SLC2A13: variants seen among roughly 807,000 people sequenced by gnomAD.
SLC2A13 encodes the protein solute carrier family 2 member 13, also known as proton myo-inositol cotransporter.
Under a neutral mutation model 64.4 loss-of-function variants are expected in SLC2A13, and 32 were observed. The observed-to-expected ratio is 0.50, with a 90% CI of 0.37 to 0.67. The LOEUF (loss-of-function observed/expected upper bound fraction) is 0.67, where lower values mean the gene tolerates loss of function less well. Ranked by LOEUF, SLC2A13 falls within the 30% of genes least tolerant of loss-of-function variation. The pLI is 0.00. For synonymous variants in SLC2A13, 338 were observed against 327.1 expected, an observed-to-expected ratio of 1.03 and a Z score of -0.36; for missense variants, 743 against 829.2, an observed-to-expected ratio of 0.90 and a Z score of 1.28.
intron 3 of SLC2A13, among the ~76,000 whole-genome samples, chr12:40,027,037 G>A (rs961809667): frequency 1.3e-5 from 2 of 149,678 alleles, no homozygotes; most frequent in Admixed American, 6.7e-5. Flanking sequence ...CCAAGATCGC[G>A]CCATTGCACT....
At chr12:39,974,142 C>CTTTG (rs10666557) in intron 3 of SLC2A13, among the ~76,000 whole-genome samples, 148,660 of 152,228 alleles carry the variant, frequency 0.98, 72,688 homozygotes, top group Middle Eastern at 1. Context: ...TCTTTATATA[C>CTTTG]TTTAATTCTC....
intron 7 of SLC2A13, among the ~76,000 whole-genome samples, chr12:39,795,717 T>G (rs1018489316): frequency 2.0e-5 from 3 of 152,162 alleles, no homozygotes; most frequent in African/African-American, 7.2e-5. Context: ...ACTAGAAGTT[T>G]TATGGGCACG....
chr12:39,845,006 A>G (rs1408619701), intron 6 of SLC2A13, among the ~76,000 whole-genome samples: 1 of 152,024 alleles, frequency 6.6e-6, no homozygotes, highest in African/African-American at 2.4e-5. Flanking sequence ...TAAAGTGACC[A>G]CTTGATAAAG....
intron 4 of SLC2A13, among the ~76,000 whole-genome samples, chr12:39,932,741 G>C (rs911512225): frequency 4.6e-5 from 7 of 152,168 alleles, no homozygotes; most frequent in African/African-American, 1.7e-4. Flanking sequence ...GCCACAATGA[G>C]ATACAGAGGA....
At chr12:39,903,100 G>A (rs1215793285) in intron 4 of SLC2A13, among the ~76,000 whole-genome samples, 1 of 152,154 alleles carries the variant, frequency 6.6e-6, no homozygotes, top group African/African-American at 2.4e-5. Context: ...TCCAATTAGT[G>A]AGTCTAGATA....
intron 1 of SLC2A13, among the ~76,000 whole-genome samples, chr12:40,059,729 T>C (rs903069719): frequency 2.0e-5 from 3 of 152,098 alleles, no homozygotes; most frequent in African/African-American, 4.8e-5. Flanking sequence ...TAGATAACCA[T>C]ATCAAAATGT....
At chr12:39,937,661 T>G (rs1380179186) in intron 4 of SLC2A13, among the ~76,000 whole-genome samples, 1 of 152,152 alleles carries the variant, frequency 6.6e-6, no homozygotes, top group Non-Finnish European at 1.5e-5. Context: ...TGCTGATACT[T>G]TACAAACCAT....
intron 6 of SLC2A13, among the ~76,000 whole-genome samples, chr12:39,858,735 T>C (rs920833737): frequency 6.6e-6 from 1 of 151,976 alleles, no homozygotes; most frequent in Non-Finnish European, 1.5e-5. Context: ...GCCTCCCGAG[T>C]AGCTGGGATT....
At chr12:39,914,182 A>C (rs1945480779) in intron 4 of SLC2A13, among the ~76,000 whole-genome samples, 1 of 152,080 alleles carries the variant, frequency 6.6e-6, no homozygotes, top group Non-Finnish European at 1.5e-5. Flanking sequence ...AGGCTGTGTG[A>C]GCTGCATCTA....
chr12:39,954,161 G>C (rs1219527191), intron 3 of SLC2A13, among the ~76,000 whole-genome samples: 3 of 152,144 alleles, frequency 2.0e-5, no homozygotes, highest in Non-Finnish European at 2.9e-5. Flanking sequence ...CTGAGATTTG[G>C]GAAACAAATG....
chr12:39,871,702 A>C (rs1944061708), intron 5 of SLC2A13, 96 bp downstream of exon 5: 1 of 1,221,788 alleles, frequency 8.2e-7, no homozygotes, highest in Admixed American at 3.1e-5. Flanking sequence ...TGAGAAACCA[A>C]TATTAGAAGT....
chr12:39,820,777 A>ATATATATG (rs1942481343), intron 7 of SLC2A13, among the ~76,000 whole-genome samples: 1 of 143,956 alleles, frequency 6.9e-6, no homozygotes, highest in Non-Finnish European at 1.5e-5. Context: ...ATATATATAT[A>ATATATATG]AAGCAACATG....
intron 1 of SLC2A13, among the ~76,000 whole-genome samples, chr12:40,074,432 A>T (rs1001437245): frequency 2.0e-5 from 3 of 152,050 alleles, no homozygotes; most frequent in African/African-American, 7.2e-5. Context: ...CTCCCATAGC[A>T]TTGGGATTAC....
rs976114883 is a variant in SLC2A13 at position 39,947,000 on chromosome 12, T to C, written c.1034+4257A>G. 5.9e-5 allele frequency among the ~76,000 whole-genome samples: 9 copies of C among 152,324 alleles called. No homozygotes were observed. The South Asian group carries it at 8.3e-4, about 14-fold the overall frequency. On this transcript the variant is annotated intron_variant, in intron 4 of 9. Coordinates refer to ENST00000280871, the MANE Select transcript of SLC2A13 (RefSeq NM_052885.4). Reference sequence around the variant, plus strand: ...ACTGTGGTGCCAGGCAGGAATGGGCTGCTTGGGATCCAGCAAGCTCCCAGG... The same window carrying C: ...ACTGTGGTGCCAGGCAGGAATGGGCCGCTTGGGATCCAGCAAGCTCCCAGG...
chr12:39,987,379 C>A (rs1947049704), intron 3 of SLC2A13, among the ~76,000 whole-genome samples: 2 of 152,170 alleles, frequency 1.3e-5, no homozygotes, highest in South Asian at 2.1e-4. Flanking sequence ...GTCTCTTGAA[C>A]CGAAAACTTG....
At chr12:40,078,783 G>A (rs1938279365) in intron 1 of SLC2A13, among the ~76,000 whole-genome samples, 1 of 152,094 alleles carries the variant, frequency 6.6e-6, no homozygotes, top group African/African-American at 2.4e-5. Context: ...TGGTTGGTAG[G>A]TTTTTTATTA....
chr12:40,090,579 TAATA>T (rs138638118), intron 1 of SLC2A13, among the ~76,000 whole-genome samples: 4,308 of 152,270 alleles, frequency 0.028, 171 homozygotes, highest in Admixed American at 0.11. Context: ...TCTGTATTCT[TAATA>T]TATATTCATG....
chr12:39,815,144 C>T lies in SLC2A13; in HGVS notation c.1445+14959G>A, dbSNP rs574394879. Among the ~76,000 whole-genome samples, 53 of 152,158 alleles carry T rather than the reference C, an allele frequency of 3.5e-4. 1 individual carries two copies. The South Asian group carries it at 0.011, about 31-fold the overall frequency. ...ACTGAGTCCAGACACAAATCAAAGT[C>T]GTTGGATTCCAGCAAGTATTCTCTA... On this transcript the variant is annotated intron_variant, in intron 7 of 9. Transcript: ENST00000280871.
chr12:39,829,908 G>A lies in SLC2A13; in HGVS notation c.1445+195C>T, dbSNP rs1450954088. ...TCTGGGTCTCCAAAAGTCTAGGCCT[G>A]AGTGCTTTCTACTCTGTGTGAAACA... On this transcript the variant is annotated intron_variant, in intron 7 of 9. Coordinates refer to ENST00000280871, the MANE Select transcript of SLC2A13 (RefSeq NM_052885.4). 1.6e-4 allele frequency: 106 copies of A among 680,498 alleles called. No individual in the cohort carries two copies. The East Asian group carries it at 3.1e-3, about 20-fold the overall frequency. 42.2% of individuals were successfully genotyped at this position (680,498 alleles called of 1,614,324 possible).
Sources: gnomAD v4.1 joint callset for allele counts (sites outside exome capture counted in the v4.1 genomes callset) on GRCh38, gnomAD v4.1.1 for gene constraint, MANE v1.5 for transcripts, NCBI Gene and HGNC (gene_info 2026-07-23, HGNC 2026-07-21) for gene names.